The following ZNF280C variants were observed in gnomAD, a reference collection of about 807,000 sequenced individuals.
ZNF280C encodes the protein zinc finger protein 280C, also known as suppressor of hairy wing homolog 3.
Under a neutral mutation model 53.6 loss-of-function variants are expected in ZNF280C, and 14 were observed. That is an observed-to-expected ratio of 0.26 (90% confidence interval 0.17 to 0.41). The LOEUF (loss-of-function observed/expected upper bound fraction) is 0.41. Among genes scored for constraint, ZNF280C ranks in the 10% least tolerant of loss-of-function variants. The pLI is 1.00. For missense variants in ZNF280C, 416 were observed against 547.1 expected (o/e 0.76, Z 2.39); for synonymous variants, 203 against 181.1 (o/e 1.12, Z -0.97).
intron 2 of ZNF280C, among the ~76,000 whole-genome samples, chrX:130,247,290 G>A (rs367903024): frequency 2.7e-5 from 3 of 110,779 alleles, no homozygotes; most frequent in South Asian, 3.9e-4. Context: ...TGTATTTTTC[G>A]TAGGGATGGG....
intron 1 of ZNF280C, among the ~76,000 whole-genome samples, chrX:130,260,696 T>C (rs977784035): frequency 2.7e-5 from 3 of 112,106 alleles, no homozygotes; most frequent in African/African-American, 9.7e-5. Context: ...ATAAATTTAG[T>C]CTTTTTCTCC....
At chrX:130,256,753 G>A (rs765704311) in intron 2 of ZNF280C, among the ~76,000 whole-genome samples, 1 of 109,613 alleles carries the variant, frequency 9.1e-6, no homozygotes, top group South Asian at 4.0e-4. Flanking sequence ...ACAAAAATTT[G>A]CAGTGCATGG....
intron 14 of ZNF280C, among the ~76,000 whole-genome samples, 167 bp downstream of exon 14, chrX:130,215,621 CAAT>C (rs1469897667): frequency 8.9e-6 from 1 of 112,154 alleles, no homozygotes; most frequent in East Asian, 2.8e-4. Context: ...AGAATAAACA[CAAT>C]GACTCAAGTT....
intron 1 of ZNF280C, among the ~76,000 whole-genome samples, chrX:130,261,069 G>T (rs760410334): frequency 3.9e-4 from 44 of 111,889 alleles, no homozygotes; most frequent in Non-Finnish European, 1.1e-4. Flanking sequence ...GATAAATTGC[G>T]TAGTAAAACA....
chrX:130,259,204 G>C (rs764053423), intron 2 of ZNF280C, among the ~76,000 whole-genome samples: 1 of 112,029 alleles, frequency 8.9e-6, no homozygotes, highest in South Asian at 3.7e-4. Flanking sequence ...TAAGCTCCTT[G>C]AGAGTGAAAA....
chrX:130,209,515 A>T (rs2032018797), intron 16 of ZNF280C, 138 bp downstream of exon 16: 1 of 517,606 alleles, frequency 1.9e-6, no homozygotes, highest in African/African-American at 2.4e-5. Flanking sequence ...GTCAGAGATG[A>T]TAGGCTATCC....
chrX:130,215,694 G>A, intron 14 of ZNF280C, 97 bp downstream of exon 14: 2 of 856,226 alleles, frequency 2.3e-6, no homozygotes, highest in Non-Finnish European at 3.2e-6. Context: ...TGCCAGATAA[G>A]TGATTATCAT....
rs752458921 is a variant in ZNF280C at position 130,267,265 on chromosome X, G to A, written c.-17+1497C>T. ...CAACATGCTTAGAAATAATATTAAA[G>A]TATGAAAAAGTCGAAAAAAAATGAA... On this transcript the variant is annotated intron_variant, in intron 1 of 18. Coordinates refer to ENST00000370978, the MANE Select transcript of ZNF280C (RefSeq NM_017666.5). 2.7e-5 allele frequency among the ~76,000 whole-genome samples: 3 copies of A among 110,709 alleles called. No individual in the cohort carries two copies. The South Asian group carries it at 1.2e-3, about 43-fold the overall frequency.
intron 10 of ZNF280C, among the ~76,000 whole-genome samples, chrX:130,228,617 CTTTTTTT>C (rs35926660): frequency 1.5e-4 from 9 of 58,415 alleles, no homozygotes; most frequent in East Asian, 6.4e-4. Context: ...TTTTCTTCTA[CTTTTTTT>C]TTTTTTTTTT....
At chrX:130,243,748 A>G in intron 4 of ZNF280C, 49 bp from the exon 5 acceptor site, 1 of 1,165,956 alleles carries the variant, frequency 8.6e-7, no homozygotes, top group East Asian at 3.1e-5. Flanking sequence ...TATACAACCA[A>G]TTATATCAAA....
intron 12 of ZNF280C, among the ~76,000 whole-genome samples, chrX:130,222,949 T>C (rs750980708): frequency 2.4e-4 from 27 of 112,536 alleles, no homozygotes; most frequent in Admixed American, 9.4e-4. Context: ...GCCCAACTAA[T>C]ACATTTTTAA....
intron 13 of ZNF280C, among the ~76,000 whole-genome samples, chrX:130,218,466 T>C (rs1040298815): frequency 1.8e-5 from 2 of 111,927 alleles, no homozygotes; most frequent in Admixed American, 1.9e-4. Context: ...AAAGAAAATG[T>C]TTGTATCTAT....
At chrX:130,241,153 A>C (rs1424849953) in intron 5 of ZNF280C, among the ~76,000 whole-genome samples, 4 of 111,884 alleles carry the variant, frequency 3.6e-5, no homozygotes, top group Non-Finnish European at 7.5e-5. Flanking sequence ...GATAATAATA[A>C]TACTCACTTT....
At chrX:130,264,951 TTGAC>T (rs1202813064) in intron 1 of ZNF280C, among the ~76,000 whole-genome samples, 1 of 111,991 alleles carries the variant, frequency 8.9e-6, no homozygotes, top group Non-Finnish European at 1.9e-5. Flanking sequence ...CTTAGACAAT[TTGAC>T]TGGCATCTCA....
intron 16 of ZNF280C, among the ~76,000 whole-genome samples, chrX:130,208,576 G>A (rs1330918430): frequency 5.4e-5 from 6 of 111,747 alleles, no homozygotes; most frequent in East Asian, 2.8e-4. Context: ...AAATCAAATC[G>A]AAGTCTCATC....
At chrX:130,215,121 G>T in intron 15 of ZNF280C, 72 bp downstream of exon 15, 1 of 1,131,220 alleles carries the variant, frequency 8.8e-7, no homozygotes, top group Non-Finnish European at 1.2e-6. Flanking sequence ...GCTTTCAATA[G>T]GATAACTCTG....
chrX:130,229,828 G>C (rs1295555003), intron 9 of ZNF280C, among the ~76,000 whole-genome samples: 1 of 112,070 alleles, frequency 8.9e-6, no homozygotes, highest in Non-Finnish European at 1.9e-5. Context: ...ATGGCAGAGA[G>C]TACAATATAA....
At chrX:130,231,814 C>T (rs1045114116) in intron 8 of ZNF280C, among the ~76,000 whole-genome samples, 3 of 110,720 alleles carry the variant, frequency 2.7e-5, no homozygotes, top group Non-Finnish European at 5.7e-5. Context: ...ATCACGAGGT[C>T]AGGAGTTCGA....
At chrX:130,249,951 G>A (rs2032489965) in intron 2 of ZNF280C, among the ~76,000 whole-genome samples, 2 of 112,089 alleles carry the variant, frequency 1.8e-5, no homozygotes, top group African/African-American at 6.5e-5. Context: ...AAAATAGCCA[G>A]TATAGAAAAG....
Sources: allele counts gnomAD v4.1 joint callset (sites outside exome capture counted in the v4.1 genomes callset), GRCh38; gene constraint gnomAD v4.1.1; transcripts MANE v1.5; gene names NCBI Gene and HGNC (gene_info 2026-07-23, HGNC 2026-07-21).